TECRL: variants seen among roughly 807,000 people sequenced by gnomAD.
TECRL encodes trans-2,3-enoyl-CoA reductase like.
A neutral mutation model predicts 52.8 loss-of-function variants in TECRL; 63 were observed. That is an observed-to-expected ratio of 1.19 (90% CI 0.97 to 1.47). TECRL has a LOEUF of 1.47. TECRL is among the 40% of genes most tolerant of loss of function. The pLI is 0.00. For missense variants in TECRL, 482 were observed against 429.6 expected (o/e 1.12, Z -1.08); for synonymous variants, 164 against 141.9 (o/e 1.16, Z -1.10).
At chr4:64,407,141 T>C (rs1250982533) in intron 1 of TECRL, among the ~76,000 whole-genome samples, 1 of 152,016 alleles carries the variant, frequency 6.6e-6, no homozygotes, top group African/African-American at 2.4e-5. Context: ...CATCAAAGAT[T>C]TGAATGCAGT....
At chr4:64,362,074 A>G (rs1721238670) in intron 2 of TECRL, among the ~76,000 whole-genome samples, 2 of 152,166 alleles carry the variant, frequency 1.3e-5, no homozygotes. Context: ...AGCATTCATA[A>G]TATAATTGAC....
intron 2 of TECRL, among the ~76,000 whole-genome samples, chr4:64,329,134 T>C (rs1481210111): frequency 2.6e-5 from 4 of 152,004 alleles, no homozygotes; most frequent in Admixed American, 1.3e-4. Context: ...TCTGTCGCTA[T>C]AGAAAAATCA....
chr4:64,381,980 A>G (rs528652755), intron 1 of TECRL, among the ~76,000 whole-genome samples: 2 of 151,954 alleles, frequency 1.3e-5, no homozygotes, highest in South Asian at 2.1e-4. Flanking sequence ...CCTTTCTTTT[A>G]GAATTTTTGG....
intron 1 of TECRL, among the ~76,000 whole-genome samples, chr4:64,384,934 C>T (rs1398091642): frequency 6.6e-6 from 1 of 152,168 alleles, no homozygotes; most frequent in African/African-American, 2.4e-5. Flanking sequence ...GTGGGTGAAA[C>T]AGGCCTCCAA....
In TECRL at chr4:64,314,641, C is replaced by A; in HGVS notation, c.551+7G>T. The stretch of plus-strand genomic sequence containing the variant: ...TGTGTGTGTGTGTGTGTGTGTGTAT[C>A]ACTTACTGTACCACTGGGTGGCGTA... On this transcript the variant is annotated splice_region_variant and intron_variant, in intron 5 of 11. Transcript: ENST00000381210. 1 of 1,364,588 alleles carries A rather than the reference C, an allele frequency of 7.3e-7. No homozygotes were observed. Among genetic ancestry groups the A allele is most frequent in the Non-Finnish European group, 1.0e-6 (1 of 957,800 alleles). 84.5% of individuals were successfully genotyped at this position (1,364,588 alleles called of 1,614,324 possible). A position where few individuals can be genotyped will look rare whatever the true frequency, so the allele number is the denominator to read the frequency against.
chr4:64,385,721 A>G (rs988014369), intron 1 of TECRL, among the ~76,000 whole-genome samples: 2 of 151,994 alleles, frequency 1.3e-5, no homozygotes, highest in African/African-American at 4.8e-5. Flanking sequence ...GAGTCTTAAG[A>G]GATGTGTGGA....
chr4:64,310,365 T>C (rs972963950), intron 5 of TECRL, among the ~76,000 whole-genome samples: 6 of 152,220 alleles, frequency 3.9e-5, no homozygotes, highest in African/African-American at 1.4e-4. Flanking sequence ...TGTCTGGTTG[T>C]CCTTTAGCAA....
chr4:64,333,661 A>G (rs1718811636), intron 2 of TECRL, among the ~76,000 whole-genome samples: 1 of 152,194 alleles, frequency 6.6e-6, no homozygotes, highest in South Asian at 2.1e-4. Context: ...AATGCACAAA[A>G]CAAAATTAAG....
intron 2 of TECRL, among the ~76,000 whole-genome samples, chr4:64,333,183 TA>T (rs1405314277): frequency 4.0e-5 from 6 of 151,490 alleles, no homozygotes; most frequent in Non-Finnish European, 4.4e-5. Context: ...AAAAACAGAT[TA>T]AAAAACAAAA....
intron 11 of TECRL, among the ~76,000 whole-genome samples, 189 bp from the exon 12 acceptor site, chr4:64,280,388 G>A (rs1282197529): frequency 6.6e-6 from 1 of 151,806 alleles, no homozygotes. Context: ...AGTAAACACA[G>A]AAAATACATT....
At chr4:64,395,178 C>A (rs1458521154) in intron 1 of TECRL, among the ~76,000 whole-genome samples, 1 of 151,968 alleles carries the variant, frequency 6.6e-6, no homozygotes, top group African/African-American at 2.4e-5. Context: ...TCTCAGCCCC[C>A]CAAATTGCTG....
At chr4:64,357,537 A>C (rs1720854076) in intron 2 of TECRL, among the ~76,000 whole-genome samples, 2 of 151,576 alleles carry the variant, frequency 1.3e-5, no homozygotes, top group African/African-American at 4.8e-5. Context: ...CAAAGAAATT[A>C]ATATAAGTTT....
chr4:64,362,591 A>G (rs910511440), intron 2 of TECRL, among the ~76,000 whole-genome samples: 1 of 151,668 alleles, frequency 6.6e-6, no homozygotes, highest in Non-Finnish European at 1.5e-5. Flanking sequence ...AGAATTTAAT[A>G]TCCAGTCAAT....
chr4:64,401,847 G>T (rs2109782472), intron 1 of TECRL, among the ~76,000 whole-genome samples: 2 of 152,148 alleles, frequency 1.3e-5, no homozygotes, highest in South Asian at 4.1e-4. Context: ...TGATTTAATA[G>T]GAAATAGGTT....
At chr4:64,283,999 CA>C (rs1474899892) in intron 9 of TECRL, among the ~76,000 whole-genome samples, 1 of 151,852 alleles carries the variant, frequency 6.6e-6, no homozygotes, top group Non-Finnish European at 1.5e-5. Context: ...TGACAGAGAA[CA>C]AAAAAGATAA....
intron 7 of TECRL, among the ~76,000 whole-genome samples, chr4:64,301,772 A>T (rs1259141538): frequency 6.6e-6 from 1 of 151,278 alleles, no homozygotes; most frequent in Admixed American, 6.6e-5. Context: ...GGCAGAGTAC[A>T]GTAAACATAT....
At chr4:64,300,209 T>C (rs1404030764) in intron 7 of TECRL, among the ~76,000 whole-genome samples, 192 bp from the exon 8 acceptor site, 2 of 150,630 alleles carry the variant, frequency 1.3e-5, no homozygotes, top group African/African-American at 2.4e-5. Flanking sequence ...GTACTTTTGT[T>C]ATTAACATAA....
intron 4 of TECRL, among the ~76,000 whole-genome samples, chr4:64,321,379 G>A (rs1203893914): frequency 6.6e-6 from 1 of 152,014 alleles, no homozygotes; most frequent in Non-Finnish European, 1.5e-5. Flanking sequence ...TGGTAATGTT[G>A]ATTGATTGTT....
chr4:64,320,527 C>G (rs1213036443), intron 4 of TECRL, among the ~76,000 whole-genome samples: 3 of 151,964 alleles, frequency 2.0e-5, no homozygotes, highest in Non-Finnish European at 4.4e-5. Flanking sequence ...GCAGAGTTCT[C>G]TTTGTCACAT....
Sources: gnomAD v4.1 joint callset for allele counts (sites outside exome capture counted in the v4.1 genomes callset) on GRCh38, gnomAD v4.1.1 for gene constraint, MANE v1.5 for transcripts, NCBI Gene and HGNC (gene_info 2026-07-23, HGNC 2026-07-21) for gene names.